Variants in TCF20 observed in about 807,000 individuals in gnomAD.
The protein encoded by TCF20 is transcription factor 20.
In TCF20, 3 loss-of-function variants were observed where a neutral mutation model predicts 148.6. The ratio of observed to expected loss-of-function variants is 0.02; its 90% confidence interval spans 0.01 to 0.05. The LOEUF (loss-of-function observed/expected upper bound fraction) is 0.05. TCF20 is among the 10% of genes least tolerant of loss of function. The pLI is 1.00. For missense variants in TCF20, 2,350 were observed against 2,429.3 expected, an observed-to-expected ratio of 0.97 and a Z score of 0.69; for synonymous variants, 1,049 against 909.5, an observed-to-expected ratio of 1.15 and a Z score of -2.76.
At chr22:42,255,487 C>CA (rs201620101) in intron 1 of TCF20, among the ~76,000 whole-genome samples, 1 of 90,436 alleles carries the variant, frequency 1.1e-5, no homozygotes, top group African/African-American at 3.8e-5. Context: ...GACTTCATCT[C>CA]AAACAACAAC....
At chr22:42,193,288 C>CT (rs540026059) in intron 2 of TCF20, among the ~76,000 whole-genome samples, 1,948 of 141,852 alleles carry the variant, frequency 0.014, 15 homozygotes, top group Middle Eastern at 0.026. Flanking sequence ...TCCACCTACA[C>CT]TTTTTTTTTT....
intron 1 of TCF20, among the ~76,000 whole-genome samples, chr22:42,249,113 A>G (rs987744540): frequency 6.6e-6 from 1 of 152,186 alleles, no homozygotes; most frequent in African/African-American, 2.4e-5. Flanking sequence ...TGCCTTGGAC[A>G]TCAGAACTCC....
rs1419338123 is a variant in TCF20, at chr22:42,279,610, C to T, written c.-37+4217G>A. On this transcript the variant is annotated intron_variant, in intron 1 of 5. Transcript: ENST00000359486. The surrounding 1 kb of genome is among the most constrained non-coding windows in gnomAD (Gnocchi z 4.3). Reference sequence around the variant, plus strand: ...CCCCCGAGTGAGGGCTGCAGGCACACAGTGACTGCGCTTCTCAGTGCCACA... The same window carrying T: ...CCCCCGAGTGAGGGCTGCAGGCACATAGTGACTGCGCTTCTCAGTGCCACA... Among the ~76,000 whole-genome samples, 1 of 150,422 alleles carries T rather than the reference C, an allele frequency of 6.6e-6. No individual in the cohort carries two copies. The highest frequency in any genetic ancestry group is 6.6e-5 in the Admixed American group (1 of 15,176).
chr22:42,166,172 G>A (rs1344874999), intron 5 of TCF20, among the ~76,000 whole-genome samples: 1 of 152,210 alleles, frequency 6.6e-6, no homozygotes, highest in Non-Finnish European at 1.5e-5. Flanking sequence ...CAGATGGACA[G>A]GACTGGATGC....
In TCF20 at chr22:42,161,776, G is replaced by A. The variant is rs560092663; in HGVS notation, c.*45-418C>T. The stretch of plus-strand genomic sequence containing the variant: ...GGTCAATCTGTGGAAGAAACTTCTC[G>A]AAGTCCAGCCTTTTAGGACAGTTTC... On this transcript the variant is annotated intron_variant, in intron 5 of 5. Coordinates refer to ENST00000677622, the MANE Select transcript of TCF20 (RefSeq NM_001378418.1). Among the ~76,000 whole-genome samples the A allele has an allele frequency of 2.6e-5, 4 of 152,238 alleles. No individual in the cohort carries two copies. The South Asian group carries it at 6.2e-4, about 24-fold the overall frequency.
intron 1 of TCF20, among the ~76,000 whole-genome samples, chr22:42,291,926 T>C (rs1330058687): frequency 3.3e-5 from 5 of 152,022 alleles, no homozygotes; most frequent in Admixed American, 1.3e-4. Flanking sequence ...AGCATCCAAG[T>C]TGAAACCACA....
chr22:42,281,856 G>C (rs1308361990), intron 1 of TCF20, among the ~76,000 whole-genome samples: 1 of 152,226 alleles, frequency 6.6e-6, no homozygotes, highest in Non-Finnish European at 1.5e-5. Flanking sequence ...TCTATGCCCA[G>C]CTCTGGGCAG....
intron 1 of TCF20, among the ~76,000 whole-genome samples, chr22:42,302,151 C>CT (rs1927348088): frequency 6.6e-6 from 1 of 152,158 alleles, no homozygotes; most frequent in Non-Finnish European, 1.5e-5. Flanking sequence ...CCTCACTGGG[C>CT]AGGTGCCTTG....
At position 42,292,484 on chromosome 22, in the gene TCF20, C is replaced by G. The variant is rs148165232; in HGVS notation, c.-37+50995G>C. Among the ~76,000 whole-genome samples, 2 of 152,264 alleles carry G rather than the reference C, an allele frequency of 1.3e-5. No individual in the cohort carries two copies. The highest frequency in any genetic ancestry group is 3.9e-4 in the East Asian group (2 of 5,174). ...GGACTCAGCTAGGACCCAGCACATA[C>G]GCTGAGGATAGGGACATAACAAGGG... On this transcript the variant is annotated intron_variant, in intron 1 of 1. Coordinates refer to the TCF20 transcript ENST00000515426. The surrounding 1 kb of genome is among the most constrained non-coding windows in gnomAD (Gnocchi z 4.9).
At chr22:42,329,025 C>T (rs1454590358) in intron 1 of TCF20, among the ~76,000 whole-genome samples, 4 of 152,250 alleles carry the variant, frequency 2.6e-5, no homozygotes, top group Non-Finnish European at 5.9e-5. Context: ...GCACCCTCCA[C>T]CTCACTCTGC....
Position 42,179,720 on chromosome 22 carries a change from G to A in TCF20, c.5656-18C>T, listed in dbSNP as rs776221165. On this transcript the variant is annotated intron_variant, in intron 2 of 5. Transcript: ENST00000677622. Reference sequence around the variant, plus strand: ...GAACATTTCTGAAAGGAAGGGAAAAGTCAGGCATGTCAGTATCCCAGATTT... The same window carrying A: ...GAACATTTCTGAAAGGAAGGGAAAAATCAGGCATGTCAGTATCCCAGATTT... 6.4e-7 allele frequency: 1 copy of A among 1,568,712 alleles called. No individual in the cohort carries two copies. The highest frequency in any genetic ancestry group is 1.1e-5 in the South Asian group (1 of 90,176).
At chr22:42,316,624 G>A (rs1485267339) in intron 1 of TCF20, among the ~76,000 whole-genome samples, 1 of 150,072 alleles carries the variant, frequency 6.7e-6, no homozygotes, top group Non-Finnish European at 1.5e-5. Context: ...TTTTAGTAGA[G>A]ACGGGGTTTC....
In TCF20 at chr22:42,270,380, G is replaced by A. The variant is rs1926540488; in HGVS notation, c.-78C>T. 6.6e-6 allele frequency among the ~76,000 whole-genome samples: 1 copy of A among 151,094 alleles called. No individual in the cohort carries two copies. The highest frequency in any genetic ancestry group is 2.4e-5 in the African/African-American group (1 of 41,292). On this transcript the variant is annotated 5_prime_UTR_variant, in exon 1 of 6. Coordinates refer to ENST00000677622, the MANE Select transcript of TCF20 (RefSeq NM_001378418.1). ...CCCAGTCCCTCGGCCTCCGCCGGGG[G>A]CGGGCGGGGAGGGAGCGGTGGCGAC...
intron 2 of TCF20, among the ~76,000 whole-genome samples, chr22:42,206,781 T>C (rs898973182): frequency 7.2e-5 from 11 of 152,216 alleles, no homozygotes; most frequent in African/African-American, 2.2e-4. Context: ...TTCAAATATA[T>C]ATTTCACATT....
intron 1 of TCF20, among the ~76,000 whole-genome samples, chr22:42,258,466 A>T (rs1471096673): frequency 6.6e-6 from 1 of 152,122 alleles, no homozygotes; most frequent in Admixed American, 6.5e-5. Context: ...CCTCAATCCA[A>T]CATCCTCTCA....
chr22:42,190,508 C>T (rs538936735), intron 2 of TCF20, among the ~76,000 whole-genome samples: 1 of 152,086 alleles, frequency 6.6e-6, no homozygotes, highest in Non-Finnish European at 1.5e-5. Context: ...GAAGTACCAG[C>T]ACTGATCCCT....
At chr22:42,326,516 C>T (rs1400992607) in intron 1 of TCF20, among the ~76,000 whole-genome samples, 3 of 152,246 alleles carry the variant, frequency 2.0e-5, no homozygotes, top group Non-Finnish European at 4.4e-5. Flanking sequence ...CAACTCTCCG[C>T]TCTTCAATCT....
intron 1 of TCF20, among the ~76,000 whole-genome samples, chr22:42,291,984 C>T (rs1238510018): frequency 1.3e-5 from 2 of 152,256 alleles, no homozygotes; most frequent in Non-Finnish European, 2.9e-5. Context: ...TCCTCCCTGA[C>T]AACAGCCAGC....
intron 2 of TCF20, among the ~76,000 whole-genome samples, chr22:42,201,291 T>C (rs1937996278): frequency 6.6e-6 from 1 of 152,214 alleles, no homozygotes; most frequent in Non-Finnish European, 1.5e-5. Flanking sequence ...GGTATTTCTT[T>C]ACGGACTAAT....
Sources: allele counts gnomAD v4.1 joint callset (sites outside exome capture counted in the v4.1 genomes callset), GRCh38; gene constraint gnomAD v4.1.1; non-coding constraint Gnocchi (gnomAD v3.1); transcripts MANE v1.5; gene names NCBI Gene and HGNC (gene_info 2026-07-23, HGNC 2026-07-21).